Variants in LRMDA observed in about 807,000 individuals in gnomAD.
LRMDA encodes the protein leucine-rich melanocyte differentiation-associated protein.
Under a neutral mutation model 29.8 loss-of-function variants are expected in LRMDA, and 18 were observed. That is an observed-to-expected ratio of 0.60 (90% CI 0.42 to 0.90). LRMDA has a LOEUF of 0.90. LRMDA is among the 40% of genes least tolerant of loss of function. The pLI, the probability that LRMDA is intolerant of heterozygous loss-of-function variation, is 0.00. For missense variants in LRMDA, 273 were observed against 273.9 expected (o/e 1.00, Z 0.02); for synonymous variants, 125 against 109.4 (o/e 1.14, Z -0.89).
At chr10:75,573,707 A>C (rs1840465150) in intron 2 of LRMDA, among the ~76,000 whole-genome samples, 2 of 152,246 alleles carry the variant, frequency 1.3e-5, no homozygotes, top group South Asian at 4.1e-4. Context: ...CAGATTTAAA[A>C]AATAACATTC....
At chr10:76,426,718 G>C (rs1213077875) in intron 6 of LRMDA, among the ~76,000 whole-genome samples, 1 of 152,156 alleles carries the variant, frequency 6.6e-6, no homozygotes, top group Non-Finnish European at 1.5e-5. Flanking sequence ...TTTTCTTCTA[G>C]GGTTTTTATG....
At chr10:76,053,321 G>T (rs117120511) in intron 4 of LRMDA, among the ~76,000 whole-genome samples, 1 of 152,046 alleles carries the variant, frequency 6.6e-6, no homozygotes, top group Admixed American at 6.5e-5. Context: ...TAACCTTCCC[G>T]CATTGTTAAC....
At chr10:76,053,867 C>G (rs1339495412) in intron 4 of LRMDA, among the ~76,000 whole-genome samples, 2 of 152,180 alleles carry the variant, frequency 1.3e-5, no homozygotes, top group Admixed American at 6.5e-5. Flanking sequence ...GGACTAGCAG[C>G]ATCAGCATCA....
chr10:75,831,880 C>G (rs1015255858), intron 2 of LRMDA, among the ~76,000 whole-genome samples: 6 of 152,222 alleles, frequency 3.9e-5, no homozygotes, highest in African/African-American at 1.4e-4. Flanking sequence ...GTACCTTGAC[C>G]ACTTTTAGTC....
chr10:75,961,980 C>T (rs1255286218), intron 2 of LRMDA, among the ~76,000 whole-genome samples: 2 of 152,166 alleles, frequency 1.3e-5, no homozygotes, highest in Non-Finnish European at 2.9e-5. Context: ...CCTCCATCTT[C>T]ACCTGGCATC....
intron 5 of LRMDA, among the ~76,000 whole-genome samples, chr10:76,268,493 A>G (rs1324677728): frequency 2.0e-5 from 3 of 152,092 alleles, no homozygotes; most frequent in Non-Finnish European, 2.9e-5. Context: ...CCCCTCTTAT[A>G]TTAGATCAAA....
chr10:76,052,294 C>T (rs1042857746), intron 4 of LRMDA, among the ~76,000 whole-genome samples: 3 of 152,208 alleles, frequency 2.0e-5, no homozygotes, highest in African/African-American at 7.2e-5. Flanking sequence ...TGCCCAGTTC[C>T]CTCAAGAATT....
At chr10:76,391,621 A>G (rs1564528549) in intron 6 of LRMDA, among the ~76,000 whole-genome samples, 1 of 152,170 alleles carries the variant, frequency 6.6e-6, no homozygotes, top group African/African-American at 2.4e-5. Context: ...GGTTTAGGCT[A>G]ATTTTTGGTA....
chr10:76,144,732 G>A (rs1589348203), intron 5 of LRMDA, among the ~76,000 whole-genome samples: 1 of 152,078 alleles, frequency 6.6e-6, no homozygotes, highest in South Asian at 2.1e-4. Context: ...ACACTATGTT[G>A]AATAGGAGTG....
intron 2 of LRMDA, among the ~76,000 whole-genome samples, chr10:75,576,535 G>A (rs1840507956): frequency 6.6e-6 from 1 of 152,224 alleles, no homozygotes; most frequent in South Asian, 2.1e-4. Context: ...GGGACAGACT[G>A]CCTCCTCAAG....
rs537890329 is a variant in LRMDA, at chr10:76,074,713, A to G, written c.516+15930A>G. Among the ~76,000 whole-genome samples, 28 of 152,236 alleles carry G rather than the reference A, an allele frequency of 1.8e-4. 1 individual carries two copies. In the Middle Eastern group the frequency reaches 0.017, roughly 92 times the overall value. ...TGTAGCCCACCTGAATTGTTCATTG[A>G]CTTTGGAGCTGGTGTCAGCCTGTCA... On this transcript the variant is annotated intron_variant, in intron 5 of 6. Transcript: ENST00000611255.
chr10:76,044,589 T>A (rs1197083147), intron 3 of LRMDA, among the ~76,000 whole-genome samples: 1 of 152,148 alleles, frequency 6.6e-6, no homozygotes, highest in African/African-American at 2.4e-5. Context: ...AGTATGATGA[T>A]TGAACTTTAG....
At chr10:76,014,703 T>G (rs1398503631) in intron 2 of LRMDA, among the ~76,000 whole-genome samples, 1 of 152,208 alleles carries the variant, frequency 6.6e-6, no homozygotes, top group Non-Finnish European at 1.5e-5. Context: ...TTCAACAACT[T>G]AGGCTCCTTC....
At chr10:76,384,455 G>C (rs1841635743) in intron 6 of LRMDA, among the ~76,000 whole-genome samples, 1 of 152,206 alleles carries the variant, frequency 6.6e-6, no homozygotes, top group Non-Finnish European at 1.5e-5. Flanking sequence ...AGACCTGTCT[G>C]TCTAATATCC....
At chr10:75,937,559 C>T (rs1377614005) in intron 2 of LRMDA, among the ~76,000 whole-genome samples, 4 of 152,204 alleles carry the variant, frequency 2.6e-5, no homozygotes, top group African/African-American at 7.2e-5. Flanking sequence ...CAAGCATGTG[C>T]ACCATCGAGT....
intron 5 of LRMDA, among the ~76,000 whole-genome samples, chr10:76,069,813 TA>T (rs2132067238): frequency 6.6e-6 from 1 of 152,310 alleles, no homozygotes; most frequent in East Asian, 1.9e-4. Context: ...CCACAGCCTT[TA>T]CTTTTGTTCT....
At chr10:76,307,204 T>C (rs1840566852) in intron 5 of LRMDA, among the ~76,000 whole-genome samples, 1 of 152,124 alleles carries the variant, frequency 6.6e-6, no homozygotes, top group South Asian at 2.1e-4. Flanking sequence ...AAGAATAAAA[T>C]TGTATGATAA....
chr10:75,970,318 T>G (rs1293325111), intron 2 of LRMDA, among the ~76,000 whole-genome samples: 1 of 152,214 alleles, frequency 6.6e-6, no homozygotes, highest in Non-Finnish European at 1.5e-5. Context: ...GATGAAACAT[T>G]CATGGGATTT....
At chr10:76,291,044 G>T (rs1840334326) in intron 5 of LRMDA, among the ~76,000 whole-genome samples, 2 of 152,146 alleles carry the variant, frequency 1.3e-5, no homozygotes, top group Admixed American at 6.5e-5. Context: ...GGTTTTGGGA[G>T]CACTTTTCTT....
Sources: gnomAD v4.1 joint callset for allele counts (sites outside exome capture counted in the v4.1 genomes callset) on GRCh38, gnomAD v4.1.1 for gene constraint, MANE v1.5 for transcripts, NCBI Gene and HGNC (gene_info 2026-07-23, HGNC 2026-07-21) for gene names.